PRDM11: variants seen among roughly 807,000 people sequenced by gnomAD.
PRDM11 encodes the protein PR domain-containing protein 11.
Under a neutral mutation model 97.8 loss-of-function variants are expected in PRDM11, and 20 were observed. The observed-to-expected ratio is 0.20, with a 90% CI of 0.14 to 0.30. The LOEUF (loss-of-function observed/expected upper bound fraction) is 0.30, where lower values mean the gene tolerates loss of function less well. Ranked by LOEUF, PRDM11 falls within the 10% of genes least tolerant of loss-of-function variation. PRDM11 has a pLI of 1.00. For missense variants in PRDM11, 1,139 were observed against 1,555.2 expected, an observed-to-expected ratio of 0.73 and a Z score of 4.50; for synonymous variants, 599 against 637.7, an observed-to-expected ratio of 0.94 and a Z score of 0.91.
intron 4 of PRDM11, among the ~76,000 whole-genome samples, chr11:45,197,803 T>C (rs1418437546): frequency 6.6e-6 from 1 of 151,898 alleles, no homozygotes. Context: ...TTCTCACTCA[T>C]AGGTGGGAAT....
rs565353640 is a variant in PRDM11 at position 45,211,111 on chromosome 11, G to A, written c.554+6333G>A. Among the ~76,000 whole-genome samples the A allele has an allele frequency of 2.5e-3, 383 of 152,256 alleles. 2 individuals are homozygous for A. The highest frequency in any genetic ancestry group is 9.0e-3 in the African/African-American group (374 of 41,542). ...CACTCGGCCAGGGGCTTGGCAGAAC[G>A]GGGACCTGGGAGGGAAGGAGCAGCA... On this transcript the variant is annotated intron_variant, in intron 5 of 7. Coordinates refer to ENST00000683152, the MANE Select transcript of PRDM11 (RefSeq NM_001384648.1).
chr11:45,177,074 T>G (rs79313732), intron 1 of PRDM11, among the ~76,000 whole-genome samples: 1,855 of 152,276 alleles, frequency 0.012, 35 homozygotes, highest in African/African-American at 0.043. Context: ...GGTACCAGAG[T>G]AAACCTTCTA....
upstream of PRDM11, among the ~76,000 whole-genome samples, chr11:45,143,987 G>A (rs947395320): frequency 1.3e-5 from 2 of 152,108 alleles, no homozygotes; most frequent in African/African-American, 2.4e-5. Flanking sequence ...CTGCTTGTCC[G>A]TGGTGATCAC....
chr11:45,127,020 G>T (rs1215713149), intron 1 of PRDM11, among the ~76,000 whole-genome samples: 6 of 152,150 alleles, frequency 3.9e-5, no homozygotes, highest in African/African-American at 1.4e-4. Flanking sequence ...ATATTTCTTG[G>T]AGACTTTGTT....
At chr11:45,155,174 C>T (rs1851761672) in intron 1 of PRDM11, among the ~76,000 whole-genome samples, 1 of 152,184 alleles carries the variant, frequency 6.6e-6, no homozygotes, top group South Asian at 2.1e-4. Flanking sequence ...TATGGAACCG[C>T]CCCCACAATG....
chr11:45,199,605 G>A (rs1853254258), intron 4 of PRDM11, among the ~76,000 whole-genome samples: 1 of 152,228 alleles, frequency 6.6e-6, no homozygotes, highest in South Asian at 2.1e-4. Context: ...CCAAAGTGCT[G>A]AGTTCAGAGG....
chr11:45,223,576 C>T (rs984515042), intron 6 of PRDM11, among the ~76,000 whole-genome samples: 22 of 152,266 alleles, frequency 1.4e-4, no homozygotes, highest in Admixed American at 1.1e-3. Context: ...CTTGTCTTCC[C>T]CTTTCTTCTG....
chr11:45,138,426 G>C (rs886529513), intron 1 of PRDM11, among the ~76,000 whole-genome samples: 1 of 152,084 alleles, frequency 6.6e-6, no homozygotes, highest in African/African-American at 2.4e-5. Context: ...AAATTAGACA[G>C]GTATGGCGGC....
intron 1 of PRDM11, among the ~76,000 whole-genome samples, chr11:45,115,141 A>ATG (rs72077365): frequency 0.43 from 64,797 of 149,426 alleles, 15,995 homozygotes; most frequent in Non-Finnish European, 0.56. Flanking sequence ...TGTATATAGC[A>ATG]TGTGTGTGTG....
rs759957102 is a variant in PRDM11, at chr11:45,178,238, GC to G, written c.-6-3520del. ...CCAAACCCCTTCCGCATCCCTCTGT[GC>G]CCTCCTCGTTTATTCCTAATGGGGA... On this transcript the variant is annotated intron_variant, in intron 1 of 7. Coordinates refer to ENST00000683152, the MANE Select transcript of PRDM11 (RefSeq NM_001384648.1). Among the ~76,000 whole-genome samples, 11 of 151,594 alleles carry G rather than the reference GC, an allele frequency of 7.3e-5. No individual in the cohort carries two copies. The East Asian group carries it at 1.7e-3, about 24-fold the overall frequency.
upstream of PRDM11, among the ~76,000 whole-genome samples, chr11:45,145,400 C>A (rs931577701): frequency 6.6e-6 from 1 of 151,420 alleles, no homozygotes; most frequent in Admixed American, 6.6e-5. Context: ...CATGAGCACC[C>A]CCATCTGACC....
intron 4 of PRDM11, among the ~76,000 whole-genome samples, chr11:45,195,194 AT>A (rs1292064878): frequency 1.3e-5 from 2 of 152,050 alleles, no homozygotes; most frequent in Non-Finnish European, 2.9e-5. Context: ...GGCAGATTTT[AT>A]TTTTTAACAG....
At chr11:45,123,026 A>T (rs1314903615) in intron 1 of PRDM11, among the ~76,000 whole-genome samples, 2 of 151,936 alleles carry the variant, frequency 1.3e-5, no homozygotes, top group African/African-American at 4.8e-5. Flanking sequence ...CTTTTTAATG[A>T]TCGCCATTCT....
chr11:45,131,354 G>A (rs72907051), intron 1 of PRDM11, among the ~76,000 whole-genome samples: 6 of 152,280 alleles, frequency 3.9e-5, no homozygotes, highest in Non-Finnish European at 5.9e-5. Context: ...CATGATTTGT[G>A]TAATTTTCTG....
chr11:45,199,883 C>T (rs1291969963), intron 4 of PRDM11, among the ~76,000 whole-genome samples: 1 of 152,240 alleles, frequency 6.6e-6, no homozygotes, highest in Non-Finnish European at 1.5e-5. Flanking sequence ...TCAGCTTAGA[C>T]TCCATGTCCC....
At chr11:45,198,558 G>T (rs918287749) in intron 4 of PRDM11, among the ~76,000 whole-genome samples, 2 of 152,206 alleles carry the variant, frequency 1.3e-5, no homozygotes, top group African/African-American at 4.8e-5. Context: ...AAACAAATCA[G>T]GTTTTTGAAA....
intron 1 of PRDM11, among the ~76,000 whole-genome samples, chr11:45,104,028 G>T (rs927218115): frequency 6.6e-6 from 1 of 152,150 alleles, no homozygotes; most frequent in African/African-American, 2.4e-5. Flanking sequence ...ATTGAGGCTT[G>T]GTGAAAACTT....
At chr11:45,225,235 T>C in intron 7 of PRDM11, 1 of 802,778 alleles carries the variant, frequency 1.2e-6, no homozygotes, top group Non-Finnish European at 1.6e-6. Flanking sequence ...TTCCCTAACT[T>C]AGTCCAGGAA....
chr11:45,095,168 C>G (rs1029839458), upstream of PRDM11, among the ~76,000 whole-genome samples: 3 of 152,300 alleles, frequency 2.0e-5, no homozygotes, highest in Non-Finnish European at 2.9e-5. Flanking sequence ...TCACTGGCTG[C>G]CTCCCCCAAA....
Sources: allele counts gnomAD v4.1 joint callset (sites outside exome capture counted in the v4.1 genomes callset), GRCh38; gene constraint gnomAD v4.1.1; transcripts MANE v1.5; gene names NCBI Gene and HGNC (gene_info 2026-07-23, HGNC 2026-07-21).